Variants in PHF14 observed in about 807,000 individuals in gnomAD.
PHF14 encodes the protein PHD finger protein 14.
PHF14 carries 55 observed loss-of-function variants against 117.9 expected under a neutral mutation model. That is an observed-to-expected ratio of 0.47 (90% CI 0.38 to 0.58). The LOEUF (loss-of-function observed/expected upper bound fraction) is 0.58. Among genes scored for constraint, PHF14 ranks in the 20% least tolerant of loss-of-function variants. The pLI is 0.00. For synonymous variants in PHF14, 409 were observed against 368.6 expected, an observed-to-expected ratio of 1.11 and a Z score of -1.26; for missense variants, 978 against 1,122.2, an observed-to-expected ratio of 0.87 and a Z score of 1.84.
chr7:11,023,958 G>T (rs1171252968), intron 6 of PHF14, among the ~76,000 whole-genome samples: 1 of 152,172 alleles, frequency 6.6e-6, no homozygotes, highest in Non-Finnish European at 1.5e-5. Context: ...AGTGAGGAAG[G>T]CATGTCGAAA....
intron 14 of PHF14, among the ~76,000 whole-genome samples, chr7:11,059,175 A>G (rs1324133207): frequency 2.0e-5 from 3 of 152,174 alleles, no homozygotes; most frequent in Non-Finnish European, 4.4e-5. Flanking sequence ...GCAATCTGGT[A>G]TGAAGAGAGT....
intron 4 of PHF14, among the ~76,000 whole-genome samples, chr7:11,005,953 C>G (rs1295389168): frequency 4.0e-5 from 6 of 151,816 alleles, no homozygotes; most frequent in African/African-American, 1.2e-4. Flanking sequence ...CCACCTCACC[C>G]GGCTATATTT....
At chr7:11,009,885 C>A (rs910583697) in intron 4 of PHF14, among the ~76,000 whole-genome samples, 7 of 152,156 alleles carry the variant, frequency 4.6e-5, no homozygotes, top group Non-Finnish European at 8.8e-5. Context: ...CAGAATCATT[C>A]CTAAGATTAA....
At chr7:11,082,739 C>T (rs924092743) in intron 16 of PHF14, among the ~76,000 whole-genome samples, 1 of 152,196 alleles carries the variant, frequency 6.6e-6, no homozygotes, top group Non-Finnish European at 1.5e-5. Flanking sequence ...TACTTCCACT[C>T]AGCTATGTCA....
At chr7:10,995,811 G>A (rs1782624134) in intron 4 of PHF14, among the ~76,000 whole-genome samples, 1 of 152,166 alleles carries the variant, frequency 6.6e-6, no homozygotes, top group Non-Finnish European at 1.5e-5. Flanking sequence ...GCCCCTCACT[G>A]CCCGGGGCTG....
intron 16 of PHF14, chr7:11,107,260 C>G (rs1399088373): frequency 1.0e-6 from 1 of 978,386 alleles, no homozygotes; most frequent in African/African-American, 1.8e-5. Context: ...GATCATAGCA[C>G]ATATGAAGGT....
chr7:11,066,278 TTG>T (rs1358151276), intron 16 of PHF14, among the ~76,000 whole-genome samples: 3 of 152,210 alleles, frequency 2.0e-5, no homozygotes, highest in African/African-American at 7.2e-5. Context: ...TATAATTTTT[TTG>T]TTGTTTGTTT....
intron 17 of PHF14, among the ~76,000 whole-genome samples, chr7:11,145,136 TA>T (rs138703912): frequency 5.3e-5 from 8 of 151,034 alleles, no homozygotes; most frequent in East Asian, 1.9e-4. Flanking sequence ...TAAAAATGAT[TA>T]AAAAAAAACC....
At chr7:11,096,157 G>A (rs146374751) in intron 16 of PHF14, among the ~76,000 whole-genome samples, 1,980 of 151,766 alleles carry the variant, frequency 0.013, 25 homozygotes, top group Non-Finnish European at 0.018. Context: ...ATTCTTTTTC[G>A]GTGTCTGAGT....
chr7:11,120,518 C>CT, intron 17 of PHF14, among the ~76,000 whole-genome samples: 1 of 152,130 alleles, frequency 6.6e-6, no homozygotes, highest in South Asian at 2.1e-4. Context: ...AAGGTCAAGT[C>CT]TAACTTTTTC....
At chr7:11,039,574 G>A (rs1031348040) in intron 11 of PHF14, among the ~76,000 whole-genome samples, 15 of 152,004 alleles carry the variant, frequency 9.9e-5, no homozygotes, top group African/African-American at 3.6e-4. Flanking sequence ...CACTGTTTGT[G>A]GTCCTTTCAC....
chr7:11,074,304 G>A (rs774581338), intron 16 of PHF14, among the ~76,000 whole-genome samples: 8 of 151,090 alleles, frequency 5.3e-5, no homozygotes, highest in African/African-American at 1.2e-4. Context: ...TCTGCCTCCC[G>A]GGTTCATACC....
chr7:11,131,225 G>A (rs184612886), intron 17 of PHF14, among the ~76,000 whole-genome samples: 66 of 151,988 alleles, frequency 4.3e-4, no homozygotes, highest in Non-Finnish European at 6.9e-4. Context: ...CATATGGTAA[G>A]AGTGTGTTTG....
intron 17 of PHF14, among the ~76,000 whole-genome samples, chr7:11,122,041 G>A (rs980295293): frequency 3.3e-5 from 5 of 151,376 alleles, no homozygotes; most frequent in Admixed American, 6.6e-5. Context: ...CCTCTGGTGT[G>A]TGTTGCTTCT....
chr7:11,024,963 T>A (rs1160695788), intron 6 of PHF14, among the ~76,000 whole-genome samples: 4 of 152,214 alleles, frequency 2.6e-5, no homozygotes, highest in Non-Finnish European at 5.9e-5. Context: ...CAAAGTAAAT[T>A]GAAAACCTTC....
At chr7:11,105,597 G>A (rs1456088129) in intron 16 of PHF14, 3 of 984,328 alleles carry the variant, frequency 3.0e-6, no homozygotes, top group African/African-American at 1.8e-5. Context: ...CCTGACATAC[G>A]AAGGCAGAAT....
chr7:10,975,057 A>G (rs1188477539), intron 2 of PHF14, 112 bp downstream of exon 2: 1 of 675,202 alleles, frequency 1.5e-6, no homozygotes, highest in Non-Finnish European at 2.6e-6. Flanking sequence ...AAGCACGTAA[A>G]CTTCATTTAT....
At position 10,982,829 on chromosome 7, in the gene PHF14, A is replaced by C. The variant is rs1181592866; in HGVS notation, c.570A>C (p.Pro190=). Residue 190 remains proline (P), a synonymous_variant, in exon 3 of 18, where the codon CCA becomes CCC. Transcript: ENST00000634607. ...AATGGAACCTTCGACGAAACCGACCACTTCTGGATTTTGTGTCCATGGAAG... is the reference window on the plus strand; with the variant it reads ...AATGGAACCTTCGACGAAACCGACCCCTTCTGGATTTTGTGTCCATGGAAG... ...PKKWNLRRNR[P]LLDFVSMEEL... The C allele has an allele frequency of 1.2e-6, 2 of 1,613,936 alleles. No homozygotes were observed. Among genetic ancestry groups the C allele is most frequent in the East Asian group, 4.5e-5 (2 of 44,880 alleles).
intron 4 of PHF14, among the ~76,000 whole-genome samples, chr7:11,011,647 A>G (rs1783361896): frequency 6.6e-6 from 1 of 152,118 alleles, no homozygotes; most frequent in Admixed American, 6.5e-5. Flanking sequence ...AAATGCCCAA[A>G]CCTAAAGGTG....
Sources: gnomAD v4.1 joint callset for allele counts (sites outside exome capture counted in the v4.1 genomes callset) on GRCh38, gnomAD v4.1.1 for gene constraint, MANE v1.5 for transcripts, NCBI Gene and HGNC (gene_info 2026-07-23, HGNC 2026-07-21) for gene names.